The following DCC variants were observed in gnomAD, a reference collection of about 807,000 sequenced individuals.
DCC encodes the protein netrin receptor DCC.
A neutral mutation model predicts 172.5 loss-of-function variants in DCC; 58 were observed. That is an observed-to-expected ratio of 0.34 (90% CI 0.27 to 0.42). DCC has a LOEUF of 0.42. Among genes scored for constraint, DCC ranks in the 10% least tolerant of loss-of-function variants. The pLI, the probability that DCC is intolerant of heterozygous loss-of-function variation, is 1.00. For synonymous variants in DCC, 709 were observed against 644.5 expected (o/e 1.10, Z -1.52); for missense variants, 1,740 against 1,791.0 (o/e 0.97, Z 0.51).
At chr18:52,866,633 A>G (rs914381812) in intron 2 of DCC, among the ~76,000 whole-genome samples, 3 of 151,658 alleles carry the variant, frequency 2.0e-5, no homozygotes, top group Non-Finnish European at 2.9e-5. Context: ...TAGGTATTTT[A>G]CTCTCTTTGT....
chr18:53,425,136 T>C (rs1466600780), intron 21 of DCC, among the ~76,000 whole-genome samples: 4 of 151,788 alleles, frequency 2.6e-5, no homozygotes, highest in East Asian at 1.9e-4. Flanking sequence ...ACTTCTGTTG[T>C]ACCTTTTCTG....
chr18:53,177,371 G>A (rs1380758734), intron 8 of DCC, among the ~76,000 whole-genome samples: 2 of 151,918 alleles, frequency 1.3e-5, no homozygotes, highest in East Asian at 1.9e-4. Context: ...AAACACTAAC[G>A]TCCCATTCTC....
chr18:52,756,812 GA>G (rs1199605046), intron 2 of DCC, among the ~76,000 whole-genome samples: 1 of 152,110 alleles, frequency 6.6e-6, no homozygotes, highest in African/African-American at 2.4e-5. Flanking sequence ...CAACATCTAG[GA>G]TGTAAAGCTC....
chr18:52,864,159 T>G (rs1338268951), intron 2 of DCC, among the ~76,000 whole-genome samples: 1 of 152,210 alleles, frequency 6.6e-6, no homozygotes, highest in Non-Finnish European at 1.5e-5. Context: ...AAAGGGCAGT[T>G]GGATTAAAAC....
At chr18:52,969,215 G>A (rs2040983093) in intron 5 of DCC, among the ~76,000 whole-genome samples, 2 of 151,816 alleles carry the variant, frequency 1.3e-5, no homozygotes, top group Non-Finnish European at 2.9e-5. Flanking sequence ...CCAATATCTT[G>A]CCTTTGACTT....
chr18:53,390,266 C>T (rs1173053097), intron 16 of DCC, among the ~76,000 whole-genome samples: 4 of 140,734 alleles, frequency 2.8e-5, no homozygotes, highest in Non-Finnish European at 4.7e-5. Context: ...TCTCTCTCTC[C>T]TTTTATTTTT....
chr18:52,465,414 T>C (rs1988757424), intron 1 of DCC, among the ~76,000 whole-genome samples: 1 of 152,126 alleles, frequency 6.6e-6, no homozygotes, highest in Admixed American at 6.5e-5. Context: ...GCATCAGAGC[T>C]GAAAGAACAG....
At chr18:53,448,010 A>C (rs985244167) in intron 22 of DCC, among the ~76,000 whole-genome samples, 1 of 150,282 alleles carries the variant, frequency 6.7e-6, no homozygotes, top group South Asian at 2.1e-4. Flanking sequence ...GTTTCCAATA[A>C]TAATGAATGA....
At chr18:53,065,247 T>A (rs1193688372) in intron 6 of DCC, among the ~76,000 whole-genome samples, 1 of 152,200 alleles carries the variant, frequency 6.6e-6, no homozygotes, top group African/African-American at 2.4e-5. Flanking sequence ...GTAATATTTA[T>A]CTCTTAATGA....
chr18:53,133,672 C>T (rs2043693801), intron 7 of DCC, among the ~76,000 whole-genome samples: 1 of 152,208 alleles, frequency 6.6e-6, no homozygotes, highest in Admixed American at 6.5e-5. Context: ...TTAGCTACAA[C>T]TCCTTTCTCT....
intron 8 of DCC, among the ~76,000 whole-genome samples, chr18:53,162,908 G>A (rs2054864657): frequency 6.6e-6 from 1 of 152,118 alleles, no homozygotes; most frequent in Admixed American, 6.5e-5. Context: ...GCTATTCTCA[G>A]CACCTGGAAC....
intron 2 of DCC, among the ~76,000 whole-genome samples, chr18:52,876,215 G>A (rs1478999738): frequency 6.6e-6 from 1 of 152,096 alleles, no homozygotes; most frequent in Non-Finnish European, 1.5e-5. Context: ...AAAGTTGGTG[G>A]CCACTTTTCT....
chr18:52,422,840 A>G (rs1310646322), intron 1 of DCC, among the ~76,000 whole-genome samples: 1 of 152,174 alleles, frequency 6.6e-6, no homozygotes, highest in African/African-American at 2.4e-5. Flanking sequence ...GCAAAGATAC[A>G]AGAATGAGGA....
intron 2 of DCC, among the ~76,000 whole-genome samples, chr18:52,804,674 C>A (rs1229308770): frequency 2.6e-5 from 4 of 152,300 alleles, no homozygotes; most frequent in Middle Eastern, 3.4e-3. Context: ...TCAAGCGATT[C>A]TCCTGCTTGA....
At chr18:53,507,064 G>GTAGA (rs2046189049) in intron 27 of DCC, among the ~76,000 whole-genome samples, 1 of 150,020 alleles carries the variant, frequency 6.7e-6, no homozygotes, top group Admixed American at 6.7e-5. Flanking sequence ...AGAAATAAGG[G>GTAGA]TAGATATTCT....
intron 10 of DCC, among the ~76,000 whole-genome samples, chr18:53,206,217 G>A (rs368898646): frequency 6.6e-5 from 1 of 15,124 alleles, no homozygotes; most frequent in African/African-American, 3.1e-4. Flanking sequence ...ATATACATGT[G>A]TATATATACA....
At chr18:52,650,374 T>A (rs1266306480) in intron 1 of DCC, among the ~76,000 whole-genome samples, 1 of 152,120 alleles carries the variant, frequency 6.6e-6, no homozygotes, top group Non-Finnish European at 1.5e-5. Context: ...GAGTAAGGTA[T>A]GAGAAATTAC....
intron 12 of DCC, among the ~76,000 whole-genome samples, chr18:53,234,207 A>T (rs1598931896): frequency 6.6e-6 from 1 of 151,902 alleles, no homozygotes; most frequent in Non-Finnish European, 1.5e-5. Flanking sequence ...CTGAAATCGC[A>T]CCATCGCACT....
intron 1 of DCC, among the ~76,000 whole-genome samples, chr18:52,458,368 CT>C (rs1480402100): frequency 6.6e-6 from 1 of 152,144 alleles, no homozygotes; most frequent in Non-Finnish European, 1.5e-5. Flanking sequence ...TTGTCCCCCC[CT>C]GACTGCGTGT....
Sources: allele counts gnomAD v4.1 joint callset (sites outside exome capture counted in the v4.1 genomes callset), GRCh38; gene constraint gnomAD v4.1.1; transcripts MANE v1.5; gene names NCBI Gene and HGNC (gene_info 2026-07-23, HGNC 2026-07-21).